The following DDX46 variants were observed in gnomAD, a reference collection of about 807,000 sequenced individuals.
DDX46 encodes DEAD-box helicase 46, also known as probable ATP-dependent RNA helicase DDX46.
A neutral mutation model predicts 134.9 loss-of-function variants in DDX46; 30 were observed. The observed-to-expected ratio is 0.22, with a 90% confidence interval of 0.17 to 0.30. The LOEUF is 0.30. Ranked by LOEUF, DDX46 falls within the 10% of genes least tolerant of loss-of-function variation. DDX46 has a pLI of 1.00. For missense variants in DDX46, 622 were observed against 1,248.7 expected (o/e 0.50, Z 7.56); for synonymous variants, 415 against 404.1 (o/e 1.03, Z -0.32).
At chr5:134,812,609 C>T (rs1244939765) in intron 18 of DDX46, among the ~76,000 whole-genome samples, 1 of 152,124 alleles carries the variant, frequency 6.6e-6, no homozygotes, top group East Asian at 1.9e-4. Flanking sequence ...TCCTATTAAC[C>T]TTAAGCCATT....
At chr5:134,828,553 AAATATT>A (rs1387574437) in intron 22 of DDX46, 100 bp from the exon 23 acceptor site, 6 of 662,096 alleles carry the variant, frequency 9.1e-6, no homozygotes, top group African/African-American at 1.9e-5. Context: ...AAATGATCTT[AAATATT>A]TCCTTTTGGG....
At chr5:134,782,255 A>T (rs899702968) in intron 8 of DDX46, among the ~76,000 whole-genome samples, 169 bp downstream of exon 8, 12 of 152,042 alleles carry the variant, frequency 7.9e-5, no homozygotes, top group Non-Finnish European at 7.4e-5. Context: ...CCTGTAATCT[A>T]AGCACTTTGG....
rs554562567 is a variant in DDX46 at position 134,818,994 on chromosome 5, G to A, written c.2967G>A (p.Leu989=). ...EPKEGERKIY[L]AIESANELAV... is the part of the protein sequence containing the mutation. ...AGGAAGGCGAGCGGAAGATTTACTT[G>A]GCAATTGAAAGTATGTACTGTTAGT... The change falls in exon 21 of 23, where the codon TTG becomes TTA. Residue 989 remains leucine (L), a synonymous_variant. Transcript: ENST00000452510. The A allele has an allele frequency of 1.4e-5, 23 of 1,613,420 alleles. No individual in the cohort carries two copies. The South Asian group carries it at 2.5e-4, about 18-fold the overall frequency.
rs1318391540 is a variant in DDX46 at position 134,794,923 on chromosome 5, T to C, written c.1700T>C (p.Met567Thr). 1 of 1,614,122 alleles carries C rather than the reference T, an allele frequency of 6.2e-7. No individual in the cohort carries two copies. Among genetic ancestry groups the C allele is most frequent in the African/African-American group, 1.3e-5 (1 of 74,954 alleles). Residue 567 changes from methionine (M) to threonine (T), a missense_variant, in exon 14 of 23, where the codon ATG becomes ACG. Transcript: ENST00000452510. ...TTTTCAGCTACTTTCCCCAGAGCTA[T>C]GGAGGCTTTGGCTCGCAGGATCCTC... ...VMFSATFPRA[M>T]EALARRILSK...
intron 20 of DDX46, 125 bp from the exon 21 acceptor site, chr5:134,818,735 G>GGA (rs143733920): frequency 2.0e-3 from 1,013 of 511,726 alleles, no homozygotes; most frequent in East Asian, 5.0e-3. Context: ...ATATATATAT[G>GGA]GAGAGAGAGA....
Position 134,771,106 on chromosome 5 carries a change from TTCTG to T in DDX46, c.447+115_447+118del, listed in dbSNP as rs755523639. ...CTTTCTTTCTCTTTCTTTCTTTCTT[TTCTG>T]TCTGTCTTTCTTTCTGTCTTTCTTT... On this transcript the variant is annotated intron_variant, in intron 4 of 22. Transcript: ENST00000452510. The T allele has an allele frequency of 8.7e-4, 509 of 581,882 alleles. 2 individuals are homozygous for T. Among genetic ancestry groups the T allele is most frequent in the African/African-American group, 7.0e-3 (357 of 51,168 alleles). The allele number at this position is 581,882 out of a possible 1,614,324, so 36.0% of individuals were successfully genotyped here. A position where few individuals can be genotyped will look rare whatever the true frequency, so the allele number is the denominator to read the frequency against.
At chr5:134,814,968 G>A (rs1755245975) in intron 18 of DDX46, among the ~76,000 whole-genome samples, 1 of 152,198 alleles carries the variant, frequency 6.6e-6, no homozygotes, top group Non-Finnish European at 1.5e-5. Context: ...ATCTAAGGCT[G>A]GGTGTGGTGG....
intron 11 of DDX46, among the ~76,000 whole-genome samples, chr5:134,786,030 G>A (rs1166335818): frequency 6.6e-6 from 1 of 151,974 alleles, no homozygotes; most frequent in Non-Finnish European, 1.5e-5. Flanking sequence ...TGTATTTTTA[G>A]TAGAGACGGG....
At chr5:134,809,614 A>T (rs1755083669) in intron 16 of DDX46, among the ~76,000 whole-genome samples, 1 of 151,990 alleles carries the variant, frequency 6.6e-6, no homozygotes, top group South Asian at 2.1e-4. Flanking sequence ...TGACCTCGTG[A>T]TCTGCCCGCC....
rs1420882404 is a variant in DDX46 at position 134,820,878 on chromosome 5, T to G, written c.2977+1874T>G. On this transcript the variant is annotated intron_variant, in intron 21 of 22. Transcript: ENST00000452510. ...TCTTTTCTTTTCTTTTTTTTTTTTT[T>G]TTTTTGAGACAAAGTCCCACTGTGT... Among the ~76,000 whole-genome samples, 4 of 149,332 alleles carry G rather than the reference T, an allele frequency of 2.7e-5. No homozygotes were observed. In the East Asian group the frequency reaches 7.8e-4, roughly 29 times the overall value.
chr5:134,797,657 T>G (rs1339740882), intron 15 of DDX46, among the ~76,000 whole-genome samples: 5 of 152,164 alleles, frequency 3.3e-5, no homozygotes, highest in Admixed American at 3.3e-4. Context: ...AGGTGTCACT[T>G]CTTGATTGAG....
At chr5:134,780,138 GTATA>G (rs1554148820) in intron 6 of DDX46, among the ~76,000 whole-genome samples, 2 of 142,322 alleles carry the variant, frequency 1.4e-5, no homozygotes, top group African/African-American at 5.1e-5. Flanking sequence ...GTGTGTGTGT[GTATA>G]TGTATATATG....
At chr5:134,808,236 T>TG (rs1755044655) in intron 16 of DDX46, among the ~76,000 whole-genome samples, 1 of 152,190 alleles carries the variant, frequency 6.6e-6, no homozygotes, top group South Asian at 2.1e-4. Context: ...TGATTTATGA[T>TG]GGGGTTACAA....
intron 20 of DDX46, 147 bp from the exon 21 acceptor site, chr5:134,818,713 A>G (rs1755355381): frequency 1.2e-5 from 6 of 497,178 alleles, no homozygotes; most frequent in Non-Finnish European, 1.9e-5. Flanking sequence ...CAAAAGAAAA[A>G]AAAAAAAGAA....
intron 6 of DDX46, among the ~76,000 whole-genome samples, chr5:134,780,188 A>ATATATG (rs1298948475): frequency 6.6e-6 from 1 of 151,030 alleles, no homozygotes; most frequent in Non-Finnish European, 1.5e-5. Flanking sequence ...GTGTGTATGT[A>ATATATG]TATATGTATG....
rs372787985 is a variant in DDX46 at position 134,777,370 on chromosome 5, G to C, written c.614-204G>C. On this transcript the variant is annotated intron_variant, in intron 5 of 22. Coordinates refer to ENST00000452510, the MANE Select transcript of DDX46 (RefSeq NM_001300860.2). Reference sequence around the variant, plus strand: ...TTTTATTCATATTTATTTTGTCATTGTTAATATTCAGAAGTAATACATGCT... The same window carrying C: ...TTTTATTCATATTTATTTTGTCATTCTTAATATTCAGAAGTAATACATGCT... Among the ~76,000 whole-genome samples, 15 of 152,090 alleles carry C rather than the reference G, an allele frequency of 9.9e-5. No individual in the cohort carries two copies. The East Asian group carries it at 1.9e-3, about 20-fold the overall frequency.
intron 4 of DDX46, 129 bp from the exon 5 acceptor site, chr5:134,773,567 G>C (rs1311153185): frequency 1.0e-6 from 1 of 977,094 alleles, no homozygotes; most frequent in Non-Finnish European, 1.5e-6. Context: ...TGAGGGGTTT[G>C]TATATATGCC....
At chr5:134,802,156 T>C (rs1407038450) in intron 15 of DDX46, among the ~76,000 whole-genome samples, 2 of 142,244 alleles carry the variant, frequency 1.4e-5, no homozygotes, top group Admixed American at 1.5e-4. Context: ...GGATAATTTC[T>C]TTCTTTTTTT....
chr5:134,800,390 G>C (rs1382550792), intron 15 of DDX46, among the ~76,000 whole-genome samples: 3 of 152,114 alleles, frequency 2.0e-5, no homozygotes, highest in African/African-American at 7.2e-5. Context: ...ATTGATCCAT[G>C]TTGTTGCATG....
Sources: allele counts gnomAD v4.1 joint callset (sites outside exome capture counted in the v4.1 genomes callset), GRCh38; gene constraint gnomAD v4.1.1; transcripts MANE v1.5; gene names NCBI Gene and HGNC (gene_info 2026-07-23, HGNC 2026-07-21).